RABGEF1: variants seen among roughly 807,000 people sequenced by gnomAD.
RABGEF1 encodes RAB guanine nucleotide exchange factor 1, also known as rab5 GDP/GTP exchange factor.
In RABGEF1, 26 loss-of-function variants were observed where a neutral mutation model predicts 57.3. That is an observed-to-expected ratio of 0.45 (90% CI 0.33 to 0.63). RABGEF1 has a LOEUF of 0.63. Ranked by LOEUF, RABGEF1 falls within the 20% of genes least tolerant of loss-of-function variation. RABGEF1 has a pLI of 0.02. For synonymous variants in RABGEF1, 185 were observed against 210.7 expected (o/e 0.88, Z 1.06); for missense variants, 464 against 607.6 (o/e 0.76, Z 2.48).
rs79941412 is a variant in RABGEF1 at position 66,732,393 on chromosome 7, G to A, written c.-814-7603G>A. ...TGCTGCCCACCACCCACCAAGAGGT[G>A]AGGAGAAGCAGATGAGACCTAAGGT... On this transcript the variant is annotated intron_variant and NMD_transcript_variant, in intron 2 of 9. Coordinates refer to the RABGEF1 transcript ENST00000607882. Among the ~76,000 whole-genome samples the A allele has an allele frequency of 7.6e-3, 1,158 of 152,316 alleles. 18 individuals are homozygous for A. Among genetic ancestry groups the A allele is most frequent in the African/African-American group, 0.026 (1,089 of 41,560 alleles).
the RABGEF1 span, among the ~76,000 whole-genome samples, chr7:66,660,022 G>A: frequency 6.6e-6 from 1 of 151,166 alleles, no homozygotes; most frequent in African/African-American, 2.4e-5. Flanking sequence ...AAAAAAAAAA[G>A]AAGACTCAAA....
chr7:66,707,736 G>C (rs1794304794), intron 1 of RABGEF1, among the ~76,000 whole-genome samples: 1 of 152,242 alleles, frequency 6.6e-6, no homozygotes, highest in Middle Eastern at 3.4e-3. Flanking sequence ...TTGGTGTATT[G>C]TTTATCTTCC....
At chr7:66,775,628 A>G (rs183568726) in intron 3 of RABGEF1, among the ~76,000 whole-genome samples, 1 of 152,334 alleles carries the variant, frequency 6.6e-6, no homozygotes. Context: ...GAGAATTGAA[A>G]TAGGTACTTT....
chr7:66,655,530 T>G, the RABGEF1 span, among the ~76,000 whole-genome samples: 1 of 152,172 alleles, frequency 6.6e-6, no homozygotes, highest in African/African-American at 2.4e-5. Context: ...TAGAACTGCT[T>G]TGTTTTTCTT....
At chr7:66,779,302 G>GAGACCAGACTGGCC (rs368705875) in intron 3 of RABGEF1, among the ~76,000 whole-genome samples, 1,982 of 152,034 alleles carry the variant, frequency 0.013, 45 homozygotes, top group African/African-American at 0.045. Context: ...TCGGGAGTTC[G>GAGACCAGACTGGCC]AGACCAGACT....
At chr7:66,658,789 G>A in the RABGEF1 span, among the ~76,000 whole-genome samples, 1 of 152,090 alleles carries the variant, frequency 6.6e-6, no homozygotes, top group Non-Finnish European at 1.5e-5. Flanking sequence ...ACGCTAGAGT[G>A]CAGTGGCGCG....
rs541082357 is a variant in RABGEF1 at position 66,809,463 on chromosome 7, T to A, written c.*179T>A. On this transcript the variant is annotated 3_prime_UTR_variant, in exon 9 of 9. Coordinates refer to ENST00000284957, the MANE Select transcript of RABGEF1 (RefSeq NM_014504.3). ...AGGGGAACCTTAGTTAATAATAAAA[T>A]ACTACTTATTTGAGTTACTGATACA... 3 of 594,348 alleles carry A rather than the reference T, an allele frequency of 5.0e-6. No homozygotes were observed. In the South Asian group the frequency reaches 1.1e-4, roughly 21 times the overall value. 36.8% of individuals were successfully genotyped at this position (594,348 alleles called of 1,614,324 possible).
At chr7:66,725,387 A>G (rs1796476913) in intron 2 of RABGEF1, among the ~76,000 whole-genome samples, 1 of 152,106 alleles carries the variant, frequency 6.6e-6, no homozygotes, top group African/African-American at 2.4e-5. Context: ...CCTCAGCCCT[A>G]GGCCACCACC....
intron 1 of RABGEF1, among the ~76,000 whole-genome samples, chr7:66,690,299 C>G (rs1791330486): frequency 6.6e-6 from 1 of 151,054 alleles, no homozygotes; most frequent in African/African-American, 2.4e-5. Context: ...TGGGGTTTCA[C>G]CGTCTTGGCC....
intron 1 of RABGEF1, among the ~76,000 whole-genome samples, chr7:66,710,784 T>C (rs932514204): frequency 3.9e-5 from 6 of 152,152 alleles, no homozygotes; most frequent in African/African-American, 1.4e-4. Context: ...AAGTCTTTTG[T>C]TGGGTATATG....
intron 2 of RABGEF1, among the ~76,000 whole-genome samples, chr7:66,723,567 G>GT (rs1035316392): frequency 2.8e-4 from 42 of 151,396 alleles, no homozygotes; most frequent in African/African-American, 6.3e-4. Context: ...AACAATTACT[G>GT]TTTTTTTTGT....
At chr7:66,787,336 ATTTTT>A (rs973607816) in intron 4 of RABGEF1, among the ~76,000 whole-genome samples, 3 of 88,106 alleles carry the variant, frequency 3.4e-5, no homozygotes, top group East Asian at 3.2e-4. Flanking sequence ...GCCTGGCCTG[ATTTTT>A]TTTTTTTTTT....
At chr7:66,676,716 T>C in the RABGEF1 span, among the ~76,000 whole-genome samples, 1 of 152,172 alleles carries the variant, frequency 6.6e-6, no homozygotes, top group Admixed American at 6.6e-5. Flanking sequence ...GCCTCCCAAG[T>C]AGCTGGCAAG....
intron 2 of RABGEF1, among the ~76,000 whole-genome samples, chr7:66,726,370 A>AT (rs11410701): frequency 0.072 from 10,881 of 151,702 alleles, 1,256 homozygotes; most frequent in African/African-American, 0.25. Context: ...GGATTTAAGC[A>AT]TTTTTTTTAA....
At chr7:66,728,632 A>G (rs990953606) in intron 2 of RABGEF1, among the ~76,000 whole-genome samples, 36 of 13,318 alleles carry the variant, frequency 2.7e-3, no homozygotes, top group Non-Finnish European at 1.1e-3. Flanking sequence ...CTCCATCCTC[A>G]TCATCCTCGC....
the RABGEF1 span, chr7:66,668,935 A>G: frequency 6.6e-6 from 1 of 152,366 alleles, no homozygotes; most frequent in Middle Eastern, 3.4e-3. Context: ...GCTTAGAGCC[A>G]CACAGCTGTG....
chr7:66,665,614 T>A, the RABGEF1 span, among the ~76,000 whole-genome samples: 35 of 152,152 alleles, frequency 2.3e-4, no homozygotes, highest in African/African-American at 8.4e-4. Flanking sequence ...TCCCTGGGAC[T>A]CAGTCTTCTC....
chr7:66,779,513 GA>G (rs918431613), intron 3 of RABGEF1, among the ~76,000 whole-genome samples: 76 of 150,202 alleles, frequency 5.1e-4, no homozygotes, highest in African/African-American at 1.8e-3. Context: ...TTTAAAAAAA[GA>G]AAAAAAAATT....
intron 7 of RABGEF1, among the ~76,000 whole-genome samples, chr7:66,799,660 C>G (rs1786828225): frequency 6.6e-6 from 1 of 152,078 alleles, no homozygotes. Context: ...AGGTCAAATG[C>G]AGATAGAATA....
Sources: allele counts gnomAD v4.1 joint callset (sites outside exome capture counted in the v4.1 genomes callset), GRCh38; gene constraint gnomAD v4.1.1; transcripts MANE v1.5; gene names NCBI Gene and HGNC (gene_info 2026-07-23, HGNC 2026-07-21).